The following PLCG2 variants were observed in gnomAD, a reference collection of about 807,000 sequenced individuals.
The protein encoded by PLCG2 is phospholipase C gamma 2, also known as 1-phosphatidylinositol 4,5-bisphosphate phosphodiesterase gamma-2.
Under a neutral mutation model 175.6 loss-of-function variants are expected in PLCG2, and 69 were observed. The observed-to-expected ratio is 0.39, with a 90% CI of 0.32 to 0.48. The LOEUF (loss-of-function observed/expected upper bound fraction) is 0.48. PLCG2 is among the 20% of genes least tolerant of loss of function. The probability of loss-of-function intolerance (pLI) is 0.91; values close to 1 mark genes in which losing one functional copy is unlikely to be tolerated. For missense variants in PLCG2, 1,798 were observed against 1,650.9 expected, an observed-to-expected ratio of 1.09 and a Z score of -1.54; for synonymous variants, 827 against 624.0, an observed-to-expected ratio of 1.33 and a Z score of -4.85.
chr16:81,767,457 C>T (rs1013805907), intron 2 of PLCG2: 2 of 152,166 alleles, frequency 1.3e-5, no homozygotes, highest in Non-Finnish European at 2.9e-5. Context: ...AACTGATACA[C>T]TCTTGTCCTT....
chr16:81,812,050 T>TTTTC (rs1413924678), intron 2 of PLCG2, among the ~76,000 whole-genome samples: 1 of 142,750 alleles, frequency 7.0e-6, no homozygotes, highest in Non-Finnish European at 1.5e-5. Context: ...TGACTTTTTT[T>TTTTC]TTTTTTTTTT....
At chr16:81,807,169 A>T (rs1406004377) in intron 2 of PLCG2, among the ~76,000 whole-genome samples, 1 of 151,906 alleles carries the variant, frequency 6.6e-6, no homozygotes, top group African/African-American at 2.4e-5. Flanking sequence ...GAACGTGGTG[A>T]TTCATGTGGT....
chr16:81,816,062 TA>T (rs57508298), intron 2 of PLCG2, among the ~76,000 whole-genome samples: 68 of 139,940 alleles, frequency 4.9e-4, no homozygotes, highest in African/African-American at 1.3e-3. Flanking sequence ...ACTTCATCTT[TA>T]AAAAAAAAAA....
intron 2 of PLCG2, among the ~76,000 whole-genome samples, chr16:81,758,907 A>T (rs993095360): frequency 1.3e-5 from 2 of 151,976 alleles, no homozygotes; most frequent in African/African-American, 4.8e-5. Flanking sequence ...CGAACTCCTG[A>T]CCTCAGGTGA....
At chr16:81,891,103 C>T (rs992559615) in intron 10 of PLCG2, among the ~76,000 whole-genome samples, 6 of 152,214 alleles carry the variant, frequency 3.9e-5, no homozygotes, top group African/African-American at 9.6e-5. Context: ...GTGGAGGTTG[C>T]AGTGAGCTGA....
Position 81,921,884 on chromosome 16 carries a change from T to C in PLCG2, c.2307+615T>C, listed in dbSNP as rs150165109. ...GATGACTTTCTTTTTCAAAAATTTA[T>C]AATCCATGGCCAATGCAGATCTGTT... On this transcript the variant is annotated intron_variant, in intron 21 of 32. Transcript: ENST00000564138. 2.3e-3 allele frequency among the ~76,000 whole-genome samples: 354 copies of C among 152,352 alleles called. 1 individual carries two copies. The highest frequency in any genetic ancestry group is 8.0e-3 in the African/African-American group (331 of 41,586).
rs1911744658 is a variant in PLCG2 at position 81,960,553 on chromosome 16, G to C, written c.*2555G>C. On this transcript the variant is annotated 3_prime_UTR_variant, in exon 33 of 33. Coordinates refer to ENST00000564138, the MANE Select transcript of PLCG2 (RefSeq NM_002661.5). ...ACTTAGGTTATAAAAACTAAATAAA[G>C]TTTTTCTACTGTGAGACTAGATGTG... The C allele has an allele frequency of 8.6e-6, 2 of 231,342 alleles. No homozygotes were observed. The highest frequency in any genetic ancestry group is 1.7e-5 in the Non-Finnish European group (2 of 116,982). 14.3% of individuals were successfully genotyped at this position (231,342 alleles called of 1,614,324 possible).
intron 30 of PLCG2, among the ~76,000 whole-genome samples, chr16:81,942,982 G>C (rs1229352985): frequency 6.6e-6 from 1 of 152,038 alleles, no homozygotes; most frequent in African/African-American, 2.4e-5. Context: ...GGCAGCGAGA[G>C]AAGGTACATA....
Position 81,908,437 on chromosome 16 carries a change from C to A in PLCG2, c.1579C>A (p.His527Asn), listed in dbSNP as rs756033757. Residue 527 changes from histidine to asparagine, a missense_variant, in exon 17 of 33, where the codon CAT (histidine) becomes AAT (asparagine). By Grantham distance (68) the His-to-Asn change is moderately conservative. Coordinates refer to ENST00000564138, the MANE Select transcript of PLCG2 (RefSeq NM_002661.5). ...VPQDIPPTEL[H>N]FGEKWFHKKV... The stretch of plus-strand genomic sequence containing the variant: ...CCAGGATATACCCCCTACAGAACTA[C>A]ATTTTGGGGAGAAATGGTTCCACAA... 1 of 1,613,948 alleles carries A rather than the reference C, an allele frequency of 6.2e-7. No individual in the cohort carries two copies. Among genetic ancestry groups the A allele is most frequent in the Non-Finnish European group, 8.5e-7 (1 of 1,179,980 alleles).
chr16:81,955,573 A>G (rs1447671685), intron 31 of PLCG2, among the ~76,000 whole-genome samples: 2 of 152,144 alleles, frequency 1.3e-5, no homozygotes, highest in African/African-American at 4.8e-5. Flanking sequence ...GTTTAGGGGT[A>G]GGTCTTGTTT....
intron 22 of PLCG2, among the ~76,000 whole-genome samples, chr16:81,925,988 G>C (rs1422877707): frequency 6.6e-6 from 1 of 152,218 alleles, no homozygotes; most frequent in Non-Finnish European, 1.5e-5. Context: ...TGACTGTGGG[G>C]ACAGGATGCC....
chr16:81,870,375 TTCTG>T (rs1476934880), intron 6 of PLCG2, among the ~76,000 whole-genome samples: 3 of 152,210 alleles, frequency 2.0e-5, no homozygotes, highest in Non-Finnish European at 4.4e-5. Context: ...TGGAGCTGAG[TTCTG>T]TCTGACTCCC....
chr16:81,765,662 A>C (rs1224118273), intron 2 of PLCG2, among the ~76,000 whole-genome samples: 1 of 46,562 alleles, frequency 2.1e-5, no homozygotes, highest in Non-Finnish European at 7.8e-5. Context: ...GAAGAAACCA[A>C]CCCTTTTGAC....
chr16:81,908,856 C>G (rs543237788), intron 17 of PLCG2, among the ~76,000 whole-genome samples: 15 of 152,160 alleles, frequency 9.9e-5, no homozygotes, highest in Non-Finnish European at 1.8e-4. Context: ...AAAATATGAA[C>G]ATTTTAAACA....
At chr16:81,872,186 G>A (rs1443412580) in intron 7 of PLCG2, among the ~76,000 whole-genome samples, 1 of 152,150 alleles carries the variant, frequency 6.6e-6, no homozygotes, top group Non-Finnish European at 1.5e-5. Context: ...AAATTAGCCA[G>A]GCATGGTGGT....
intron 26 of PLCG2, among the ~76,000 whole-genome samples, chr16:81,934,784 A>G (rs1031284344): frequency 2.0e-5 from 3 of 151,988 alleles, no homozygotes; most frequent in African/African-American, 7.2e-5. Context: ...AAGAGGTTTA[A>G]TGGACTCACA....
rs1335045887 is a variant in PLCG2 at position 81,958,706 on chromosome 16, T to A, written c.*708T>A. Reference sequence around the variant, plus strand: ...CCCATCAGAGAGACCAGAGCCGTGCTGCAGGGGCAGGTTCTCACTTGCCCC... The same window carrying A: ...CCCATCAGAGAGACCAGAGCCGTGCAGCAGGGGCAGGTTCTCACTTGCCCC... On this transcript the variant is annotated 3_prime_UTR_variant, in exon 33 of 33. Coordinates refer to ENST00000564138, the MANE Select transcript of PLCG2 (RefSeq NM_002661.5). 4.5e-6 allele frequency: 1 copy of A among 221,624 alleles called. No individual in the cohort carries two copies. Among genetic ancestry groups the A allele is most frequent in the African/African-American group, 2.2e-5 (1 of 44,684 alleles). 13.7% of individuals were successfully genotyped at this position (221,624 alleles called of 1,614,324 possible).
chr16:81,853,239 G>C (rs1906509814), intron 2 of PLCG2, among the ~76,000 whole-genome samples: 1 of 151,848 alleles, frequency 6.6e-6, no homozygotes, highest in Non-Finnish European at 1.5e-5. Flanking sequence ...GCTCAGGCAG[G>C]ATAATTGTTT....
chr16:81,918,898 CT>C (rs59461906), intron 19 of PLCG2, among the ~76,000 whole-genome samples: 82,479 of 150,232 alleles, frequency 0.55, 22,834 homozygotes, highest in East Asian at 0.78. Flanking sequence ...AGACTTGTTT[CT>C]TTTTTTTTTT....
Sources: gnomAD v4.1 joint callset for allele counts (sites outside exome capture counted in the v4.1 genomes callset) on GRCh38, gnomAD v4.1.1 for gene constraint, MANE v1.5 for transcripts, NCBI Gene and HGNC (gene_info 2026-07-23, HGNC 2026-07-21) for gene names.